The following RPS6KC1 variants were observed in gnomAD, a reference collection of about 807,000 sequenced individuals.
RPS6KC1 encodes inactive ribosomal protein S6 kinase delta-1.
A neutral mutation model predicts 103.8 loss-of-function variants in RPS6KC1; 54 were observed. The ratio of observed to expected loss-of-function variants is 0.52; its 90% confidence interval spans 0.42 to 0.65. The LOEUF is 0.65. Among genes scored for constraint, RPS6KC1 ranks in the 30% least tolerant of loss-of-function variants. The pLI is 0.00. For synonymous variants in RPS6KC1, 439 were observed against 438.7 expected (o/e 1.00, Z -0.01); for missense variants, 1,151 against 1,253.8 (o/e 0.92, Z 1.24).
At chr1:213,385,931 C>T in the RPS6KC1 span, among the ~76,000 whole-genome samples, 1 of 152,200 alleles carries the variant, frequency 6.6e-6, no homozygotes, top group African/African-American at 2.4e-5. Context: ...TACTGGCTGT[C>T]TAACTGTGGG....
At chr1:213,375,140 CACAT>C in the RPS6KC1 span, among the ~76,000 whole-genome samples, 1 of 151,598 alleles carries the variant, frequency 6.6e-6, no homozygotes, top group Non-Finnish European at 1.5e-5. Flanking sequence ...CATATATACA[CACAT>C]ATACACATAT....
chr1:213,442,282 G>A, the RPS6KC1 span, among the ~76,000 whole-genome samples: 2 of 152,164 alleles, frequency 1.3e-5, no homozygotes, highest in African/African-American at 4.8e-5. Flanking sequence ...CCTTTTGAAG[G>A]CAGGGACTTT....
At chr1:213,434,292 T>C in the RPS6KC1 span, among the ~76,000 whole-genome samples, 1 of 152,214 alleles carries the variant, frequency 6.6e-6, no homozygotes, top group East Asian at 1.9e-4. Context: ...AAAGTCTTCA[T>C]TTCACCTTGA....
chr1:213,665,526 A>G, the RPS6KC1 span, among the ~76,000 whole-genome samples: 2 of 152,208 alleles, frequency 1.3e-5, no homozygotes, highest in East Asian at 1.9e-4. Context: ...AAGATGAAAA[A>G]GTGATAAAAT....
chr1:213,245,672 A>G (rs2094442824), intron 12 of RPS6KC1, among the ~76,000 whole-genome samples: 1 of 152,130 alleles, frequency 6.6e-6, no homozygotes, highest in South Asian at 2.1e-4. Flanking sequence ...CCAGTAACAG[A>G]TTTGATTTGC....
intron 6 of RPS6KC1, among the ~76,000 whole-genome samples, chr1:213,135,333 TTTTG>T (rs1184022514): frequency 6.6e-6 from 1 of 152,184 alleles, no homozygotes; most frequent in Non-Finnish European, 1.5e-5. Context: ...CTCTTGTGTA[TTTTG>T]TTTATCATTG....
At chr1:213,328,503 ACTATATATAT>A in the RPS6KC1 span, among the ~76,000 whole-genome samples, 1 of 31,772 alleles carries the variant, frequency 3.1e-5, no homozygotes, top group African/African-American at 6.5e-5. Context: ...CAGCCATTAT[ACTATATATAT>A]ATATATATAT....
chr1:213,324,593 CTTTT>C, the RPS6KC1 span, among the ~76,000 whole-genome samples: 324 of 81,802 alleles, frequency 4.0e-3, 2 homozygotes, highest in Middle Eastern at 0.026. Context: ...GCTCGATATG[CTTTT>C]TTTTTTTTTT....
chr1:213,659,768 G>A, the RPS6KC1 span, among the ~76,000 whole-genome samples: 1 of 152,010 alleles, frequency 6.6e-6, no homozygotes, highest in Non-Finnish European at 1.5e-5. Flanking sequence ...GTGCCTGTAA[G>A]TGCATACTGT....
At chr1:213,081,652 GTT>G (rs76134090) in intron 3 of RPS6KC1, among the ~76,000 whole-genome samples, 6 of 139,308 alleles carry the variant, frequency 4.3e-5, no homozygotes, top group African/African-American at 1.1e-4. Context: ...CTCTCTTAAG[GTT>G]TTTTTTTTTT....
the RPS6KC1 span, among the ~76,000 whole-genome samples, chr1:213,743,662 C>G: frequency 6.6e-6 from 1 of 152,204 alleles, no homozygotes; most frequent in Non-Finnish European, 1.5e-5. Context: ...GCCACAGCCT[C>G]TCATCTACAG....
chr1:213,544,657 T>G, the RPS6KC1 span, among the ~76,000 whole-genome samples: 1 of 152,208 alleles, frequency 6.6e-6, no homozygotes, highest in African/African-American at 2.4e-5. Context: ...CTGAGGAGCC[T>G]TTGAGTTTAG....
the RPS6KC1 span, among the ~76,000 whole-genome samples, chr1:213,549,612 C>CTT: frequency 5.2e-3 from 453 of 86,860 alleles, 9 homozygotes; most frequent in African/African-American, 0.019. Context: ...TTTTCTTTTC[C>CTT]TTTTTTTTTT....
chr1:213,730,167 C>G, the RPS6KC1 span, among the ~76,000 whole-genome samples: 148 of 152,284 alleles, frequency 9.7e-4, 1 homozygote, highest in African/African-American at 3.4e-3. Context: ...TTTATCTAGT[C>G]TATCATTGAT....
At chr1:213,436,990 A>T in the RPS6KC1 span, among the ~76,000 whole-genome samples, 1 of 152,156 alleles carries the variant, frequency 6.6e-6, no homozygotes, top group African/African-American at 2.4e-5. Context: ...GACTGTTTAT[A>T]TCTTTTTATT....
chr1:213,356,745 C>G, the RPS6KC1 span, among the ~76,000 whole-genome samples: 1 of 152,224 alleles, frequency 6.6e-6, no homozygotes, highest in Non-Finnish European at 1.5e-5. Flanking sequence ...ACACCGGAAG[C>G]TGCTAGCCCT....
At chr1:213,748,091 A>C in the RPS6KC1 span, among the ~76,000 whole-genome samples, 1 of 152,202 alleles carries the variant, frequency 6.6e-6, no homozygotes, top group Admixed American at 6.5e-5. Context: ...GCTTAGTAGA[A>C]TAGCCAAGGC....
the RPS6KC1 span, among the ~76,000 whole-genome samples, chr1:213,508,190 GT>G: frequency 6.6e-6 from 1 of 152,124 alleles, no homozygotes; most frequent in African/African-American, 2.4e-5. Flanking sequence ...TCCGTACACT[GT>G]TTTTACCCAT....
chr1:213,782,638 G>A, the RPS6KC1 span, among the ~76,000 whole-genome samples: 1 of 152,078 alleles, frequency 6.6e-6, no homozygotes, highest in African/African-American at 2.4e-5. Context: ...ATGAGGAAGA[G>A]GAGGAAGAAG....
Sources: allele counts gnomAD v4.1 joint callset (sites outside exome capture counted in the v4.1 genomes callset), GRCh38; gene constraint gnomAD v4.1.1; transcripts MANE v1.5; gene names NCBI Gene and HGNC (gene_info 2026-07-23, HGNC 2026-07-21).